The following PFKFB3 variants were observed in gnomAD, a reference collection of about 807,000 sequenced individuals.
The protein encoded by PFKFB3 is 6-phosphofructo-2-kinase/fructose-2,6-biphosphatase 3, also known as 6-phosphofructo-2-kinase/fructose-2,6-bisphosphatase 3.
Under a neutral mutation model 68.0 loss-of-function variants are expected in PFKFB3, and 33 were observed. The observed-to-expected ratio is 0.49, with a 90% CI of 0.37 to 0.65. The LOEUF (loss-of-function observed/expected upper bound fraction) is 0.65. PFKFB3 is among the 30% of genes least tolerant of loss of function. The pLI, the probability that PFKFB3 is intolerant of heterozygous loss-of-function variation, is 0.00. For missense variants in PFKFB3, 586 were observed against 712.2 expected (o/e 0.82, Z 2.02); for synonymous variants, 315 against 288.2 (o/e 1.09, Z -0.94).
chr10:6,161,649 G>T (rs1331583767), intron 1 of PFKFB3, among the ~76,000 whole-genome samples: 3 of 151,418 alleles, frequency 2.0e-5, no homozygotes, highest in Non-Finnish European at 4.4e-5. Context: ...GAGAGAGAGA[G>T]AGAGAGAGAA....
chr10:6,178,439 A>T (rs1024490860), intron 1 of PFKFB3, among the ~76,000 whole-genome samples: 1 of 152,114 alleles, frequency 6.6e-6, no homozygotes, highest in Non-Finnish European at 1.5e-5. Context: ...CTTAGGGGAA[A>T]CGCAGGCAGG....
the PFKFB3 span, among the ~76,000 whole-genome samples, chr10:6,305,547 ACT>A: frequency 6.6e-6 from 1 of 152,040 alleles, no homozygotes; most frequent in African/African-American, 2.4e-5. Flanking sequence ...CGTTCCTTGC[ACT>A]CTCTCATTCC....
At chr10:6,304,945 G>A in the PFKFB3 span, among the ~76,000 whole-genome samples, 4 of 127,000 alleles carry the variant, frequency 3.1e-5, no homozygotes, top group Admixed American at 8.6e-5. Context: ...GCCTTGCAAA[G>A]TGTTGGGATT....
the PFKFB3 span, among the ~76,000 whole-genome samples, chr10:6,273,796 A>G: frequency 6.6e-5 from 10 of 152,216 alleles, 1 homozygote; most frequent in Non-Finnish European, 1.5e-5. Flanking sequence ...GAGTGAAGAC[A>G]GCTGACTACA....
At chr10:6,290,111 C>T in the PFKFB3 span, among the ~76,000 whole-genome samples, 1 of 152,138 alleles carries the variant, frequency 6.6e-6, no homozygotes, top group African/African-American at 2.4e-5. Flanking sequence ...TGGGCTGAGA[C>T]AGTGGGGGTT....
chr10:6,172,230 G>C (rs568251874), intron 1 of PFKFB3, among the ~76,000 whole-genome samples: 1 of 152,188 alleles, frequency 6.6e-6, no homozygotes, highest in Non-Finnish European at 1.5e-5. Flanking sequence ...AGCCCACGTC[G>C]GGAGGGCAAG....
At chr10:6,183,682 A>AT (rs1216041355) in intron 1 of PFKFB3, among the ~76,000 whole-genome samples, 39 of 145,850 alleles carry the variant, frequency 2.7e-4, no homozygotes, top group South Asian at 2.0e-3. Context: ...GAAAGCAGGA[A>AT]TTTTTTTTTT....
chr10:6,260,500 C>T, the PFKFB3 span, among the ~76,000 whole-genome samples: 2 of 151,878 alleles, frequency 1.3e-5, no homozygotes, highest in Admixed American at 1.3e-4. Context: ...CACCTGCTTC[C>T]TGTCCCCAGA....
At chr10:6,175,973 C>T (rs1042822394) in intron 1 of PFKFB3, among the ~76,000 whole-genome samples, 4 of 152,194 alleles carry the variant, frequency 2.6e-5, no homozygotes, top group Non-Finnish European at 5.9e-5. Context: ...TCCAGGAAGC[C>T]CCCGCCTTGG....
intron 5 of PFKFB3, 32 bp downstream of exon 5, chr10:6,216,812 G>C: frequency 6.5e-7 from 1 of 1,537,942 alleles, no homozygotes; most frequent in Non-Finnish European, 9.0e-7. Flanking sequence ...GTGCTAGAGG[G>C]CTCGGGAGAG....
intron 1 of PFKFB3, among the ~76,000 whole-genome samples, chr10:6,212,856 C>T (rs535049792): frequency 6.6e-6 from 1 of 152,112 alleles, no homozygotes; most frequent in Non-Finnish European, 1.5e-5. Flanking sequence ...AAACTCTGCC[C>T]ATACCTCTGT....
chr10:6,203,105 G>T lies in PFKFB3; in HGVS notation c.-156G>T. ...CGCACAGGCGAGGGTCCGGAACTTAGCCCAAAGCACGTTTCCCCTGGCAGC... is the reference window on the plus strand; with the variant it reads ...CGCACAGGCGAGGGTCCGGAACTTATCCCAAAGCACGTTTCCCCTGGCAGC... On this transcript the variant is annotated 5_prime_UTR_variant, in exon 1 of 15. Transcript: ENST00000379775. 2.0e-6 allele frequency: 3 copies of T among 1,468,056 alleles called. No individual in the cohort carries two copies. Among genetic ancestry groups the T allele is most frequent in the Non-Finnish European group, 2.7e-6 (3 of 1,113,900 alleles). The allele number at this position is 1,468,056 out of a possible 1,614,324, so 90.9% of individuals were successfully genotyped here. A position where few individuals can be genotyped will look rare whatever the true frequency, so the allele number is the denominator to read the frequency against.
intron 1 of PFKFB3, among the ~76,000 whole-genome samples, chr10:6,192,366 C>CCTT (rs1564609433): frequency 1.8e-5 from 2 of 113,070 alleles, no homozygotes; most frequent in Non-Finnish European, 3.5e-5. Context: ...TTTCTTTCTT[C>CCTT]TTTTTTTTTT....
the PFKFB3 span, among the ~76,000 whole-genome samples, chr10:6,274,260 C>T: frequency 1.9e-4 from 29 of 151,970 alleles, no homozygotes; most frequent in Non-Finnish European, 3.4e-4. Flanking sequence ...TACTTTGTTG[C>T]GACATCCTCA....
In PFKFB3 at chr10:6,215,214, T is replaced by G. The variant is rs1305409464; in HGVS notation, c.203-7T>G. Reference sequence around the variant, plus strand: ...ATCATCCAGACTGTTCTCTTTCCCGTCCACAGTGTTCAACGTCGGGGAGTA... The same window carrying G: ...ATCATCCAGACTGTTCTCTTTCCCGGCCACAGTGTTCAACGTCGGGGAGTA... On this transcript the variant is annotated splice_polypyrimidine_tract_variant and splice_region_variant and intron_variant, in intron 2 of 14. Coordinates refer to ENST00000379775, the MANE Select transcript of PFKFB3 (RefSeq NM_004566.4). This position sits in a 1 kb window ranked among gnomAD's most constrained non-coding sequence, Gnocchi z 4.3. 3.7e-6 allele frequency: 6 copies of G among 1,611,764 alleles called. No individual in the cohort carries two copies. The highest frequency in any genetic ancestry group is 1.1e-5 in the South Asian group (1 of 91,034).
intron 1 of PFKFB3, among the ~76,000 whole-genome samples, chr10:6,171,055 G>A (rs1018945061): frequency 6.6e-6 from 1 of 152,018 alleles, no homozygotes; most frequent in African/African-American, 2.4e-5. Flanking sequence ...TTATGAGACG[G>A]AGTTTCGCTC....
At chr10:6,201,826 G>T (rs1843373012), upstream of PFKFB3, among the ~76,000 whole-genome samples, 1 of 152,190 alleles carries the variant, frequency 6.6e-6, no homozygotes, top group Admixed American at 6.5e-5. The surrounding 1 kb of genome is among the most constrained non-coding windows in gnomAD (Gnocchi z 4.1). Context: ...CGGCGCGGGC[G>T]GCGGTTCCCC....
At chr10:6,192,715 G>A (rs12256793) in intron 1 of PFKFB3, among the ~76,000 whole-genome samples, 8,402 of 150,598 alleles carry the variant, frequency 0.056, 370 homozygotes, top group African/African-American at 0.11. Flanking sequence ...GTGTGTGTTG[G>A]GGGATGTCAC....
chr10:6,236,355 C>T (rs1029497057), downstream of PFKFB3, among the ~76,000 whole-genome samples: 1 of 152,240 alleles, frequency 6.6e-6, no homozygotes, highest in African/African-American at 2.4e-5. Flanking sequence ...TGGCAAACAC[C>T]ATGCGTGGAG....
Sources: allele counts gnomAD v4.1 joint callset (sites outside exome capture counted in the v4.1 genomes callset), GRCh38; gene constraint gnomAD v4.1.1; non-coding constraint Gnocchi (gnomAD v3.1); transcripts MANE v1.5; gene names NCBI Gene and HGNC (gene_info 2026-07-23, HGNC 2026-07-21).